Variants in CCDC14 observed in about 807,000 individuals in gnomAD.
The protein encoded by CCDC14 is coiled-coil domain containing 14.
A neutral mutation model predicts 81.4 loss-of-function variants in CCDC14; 71 were observed. The ratio of observed to expected loss-of-function variants is 0.87; its 90% CI spans 0.72 to 1.06. The LOEUF is 1.06. CCDC14 is among the 50% of genes least tolerant of loss of function. CCDC14 has a pLI of 0.00. For synonymous variants in CCDC14, 332 were observed against 364.8 expected (o/e 0.91, Z 1.03); for missense variants, 1,046 against 1,047.3 (o/e 1.00, Z 0.02).
downstream of CCDC14, among the ~76,000 whole-genome samples, chr3:123,892,996 G>A (rs1397739680): frequency 1.3e-5 from 2 of 151,930 alleles, no homozygotes; most frequent in Admixed American, 1.3e-4. Context: ...AGTAGAGATG[G>A]GGTTTCACCA....
At chr3:123,912,459 G>T (rs535216933), downstream of CCDC14, among the ~76,000 whole-genome samples, 149 of 152,260 alleles carry the variant, frequency 9.8e-4, no homozygotes, top group African/African-American at 3.4e-3. Context: ...CGCTCAGTGT[G>T]TCTCAAACTG....
intron 8 of CCDC14, among the ~76,000 whole-genome samples, chr3:123,945,925 T>C (rs1162564947): frequency 6.6e-6 from 1 of 152,054 alleles, no homozygotes; most frequent in Non-Finnish European, 1.5e-5. Flanking sequence ...GCTGGGAGGA[T>C]TAAATGAGAT....
At chr3:123,916,784 T>C (rs1298950550) in intron 12 of CCDC14, among the ~76,000 whole-genome samples, 1 of 152,050 alleles carries the variant, frequency 6.6e-6, no homozygotes, top group Admixed American at 6.5e-5. Context: ...TCAGTCTAAG[T>C]GGGTGTTTGT....
chr3:123,934,808 C>T (rs1265638341), intron 9 of CCDC14, among the ~76,000 whole-genome samples: 4 of 151,908 alleles, frequency 2.6e-5, no homozygotes, highest in Non-Finnish European at 2.9e-5. Flanking sequence ...ATGATAGTAC[C>T]CTACCTCACA....
downstream of CCDC14, chr3:123,897,361 A>G (rs1346451610): frequency 6.4e-6 from 1 of 155,514 alleles, no homozygotes; most frequent in Non-Finnish European, 1.4e-5. Flanking sequence ...AAAATTTAGT[A>G]CAAAATATTA....
downstream of CCDC14, among the ~76,000 whole-genome samples, chr3:123,895,695 A>G (rs1314817302): frequency 2.0e-5 from 3 of 152,224 alleles, no homozygotes; most frequent in East Asian, 5.8e-4. Context: ...TAAAACCTCC[A>G]GCAAACAAAA....
rs552475638 is a variant in CCDC14 at position 123,917,053 on chromosome 3, C to T, written c.1779-1335G>A. Among the ~76,000 whole-genome samples, 126 of 151,802 alleles carry T rather than the reference C, an allele frequency of 8.3e-4. 1 individual carries two copies. The East Asian group carries it at 0.011, about 14-fold the overall frequency. On this transcript the variant is annotated intron_variant, in intron 12 of 12. Transcript: ENST00000409697. ...AGCGACGGGGTTTCACTGTGTTAGC[C>T]GGGATGGTCTCGATCTCCTGACCTC...
chr3:123,950,497 A>G (rs1304293778), intron 5 of CCDC14, among the ~76,000 whole-genome samples: 1 of 152,236 alleles, frequency 6.6e-6, no homozygotes, highest in Non-Finnish European at 1.5e-5. Context: ...TGGATGTTTA[A>G]TACACTTAAG....
Position 123,931,354 on chromosome 3 carries a change from AAG to A in CCDC14, c.1597_1598del (p.Leu533Ter), listed in dbSNP as rs2035696395. The stretch of plus-strand genomic sequence containing the variant: ...CAATATCATATTGCTGTTTATTTTC[AAG>A]TATAGTTTGATCTTTGTCTTTAAAT... ...SIFKDKDQTI[L>X]ENKQQYDIEI... On this transcript the variant is annotated frameshift_variant, in exon 11 of 13. Coordinates refer to ENST00000409697, the MANE Select transcript of CCDC14 (RefSeq NM_001366335.1). LOFTEE classifies it high-confidence loss of function. 1 of 1,522,674 alleles carries A rather than the reference AAG, an allele frequency of 6.6e-7. No individual in the cohort carries two copies. The highest frequency in any genetic ancestry group is 2.4e-5 in the East Asian group (1 of 40,950). The allele number at this position is 1,522,674 out of a possible 1,614,324, so 94.3% of individuals were successfully genotyped here. A position where few individuals can be genotyped will look rare whatever the true frequency, so the allele number is the denominator to read the frequency against.
rs1310894908 is a variant in CCDC14, at chr3:123,915,610, T to G, written c.1887A>C (p.Lys629Asn). The change falls in exon 13 of 13, where the codon AAA (lysine) becomes AAC (asparagine). Residue 629 changes from lysine to asparagine, a missense_variant. By Grantham distance (94) the Lys-to-Asn change is moderately conservative (BLOSUM62 0). Coordinates refer to ENST00000409697, the MANE Select transcript of CCDC14 (RefSeq NM_001366335.1). ...CAGGAGCTGGGTCATGTTGAAGTTG[T>G]TTATCATGAATGTTCAAGAGTGATT... is the stretch of plus-strand genomic sequence containing the variant. The part of the protein sequence containing the change: ...LTKSLLNIHD[K>N]QLQHDPAPAH... 6.2e-7 allele frequency: 1 copy of G among 1,614,042 alleles called. No homozygotes were observed. The highest frequency in any genetic ancestry group is 2.2e-5 in the East Asian group (1 of 44,884).
At position 123,948,741 on chromosome 3, in the gene CCDC14, T is replaced by C; in HGVS notation, c.634A>G (p.Thr212Ala). 6.2e-7 allele frequency: 1 copy of C among 1,601,944 alleles called. No homozygotes were observed. The stretch of plus-strand genomic sequence containing the variant: ...GGCCGCTGAAGTGACCAGACTGGGG[T>C]GGAGGTACATAAGCCATAACTAGAA... Reference protein sequence around the residue: ...PHSSYGLCTSTPVWSLQRPPC... With the variant: ...PHSSYGLCTSAPVWSLQRPPC... Residue 212 changes from threonine to alanine, a missense_variant, in exon 7 of 13, where the codon ACC becomes GCC. Physicochemically the swap from Thr to Ala is moderately conservative, Grantham distance 58. Coordinates refer to ENST00000409697, the MANE Select transcript of CCDC14 (RefSeq NM_001366335.1).
intron 10 of CCDC14, among the ~76,000 whole-genome samples, chr3:123,933,116 AC>A (rs2035839689): frequency 1.6e-5 from 2 of 126,880 alleles, no homozygotes; most frequent in Admixed American, 8.9e-5. Flanking sequence ...AAACAAACAA[AC>A]AAACAAACAA....
rs1321975811 is a variant in CCDC14 at position 123,915,590 on chromosome 3, G to A, written c.1907C>T (p.Ala636Val). ...GCTCATTATGGAAGTGTGAGCAGGA[G>A]CTGGGTCATGTTGAAGTTGTTTATC... ...IHDKQLQHDPAPAHTSIMSYL... is the reference protein window; with the variant it reads ...IHDKQLQHDPVPAHTSIMSYL... The change falls in exon 13 of 13, where the codon GCT (alanine) becomes GTT (valine). Residue 636 changes from alanine to valine, a missense_variant. Ala to Val is a moderately conservative substitution (Grantham distance 64). Transcript: ENST00000409697. The A allele has an allele frequency of 2.0e-5, 33 of 1,613,890 alleles. No individual in the cohort carries two copies. The highest frequency in any genetic ancestry group is 2.8e-5 in the Non-Finnish European group (33 of 1,179,892).
At chr3:123,910,033 TGA>T (rs1577209217), downstream of CCDC14, among the ~76,000 whole-genome samples, 1 of 152,192 alleles carries the variant, frequency 6.6e-6, no homozygotes, top group Non-Finnish European at 1.5e-5. Flanking sequence ...GAACAAGCAC[TGA>T]GAGTTTGTGG....
rs5852375 is a variant in CCDC14, at chr3:123,948,239, C to CT, written c.684+451dup. On this transcript the variant is annotated intron_variant, in intron 7 of 12. Coordinates refer to ENST00000409697, the MANE Select transcript of CCDC14 (RefSeq NM_001366335.1). ...AATAGGTAAAACTTTTCTTTCTTTT[C>CT]TTTTTTTTTTTTTTTGAGATAGAGT... Among the ~76,000 whole-genome samples, 444 of 138,402 alleles carry CT rather than the reference C, an allele frequency of 3.2e-3. 1 individual carries two copies. The highest frequency in any genetic ancestry group is 4.5e-3 in the Non-Finnish European group (284 of 63,458). 90.8% of individuals were successfully genotyped at this position (138,402 alleles called of 152,430 possible).
chr3:123,907,758 T>C (rs2034349769), intron 5 of CCDC14, among the ~76,000 whole-genome samples: 2 of 152,012 alleles, frequency 1.3e-5, no homozygotes, highest in South Asian at 4.2e-4. Context: ...TAAACCATTC[T>C]TCTTCGAGAA....
At chr3:123,955,577 T>C in intron 5 of CCDC14, 1 of 257,358 alleles carries the variant, frequency 3.9e-6, no homozygotes, top group Non-Finnish European at 7.3e-6. Flanking sequence ...GATCACTCTA[T>C]ATACCTCCCA....
intron 1 of CCDC14, among the ~76,000 whole-genome samples, chr3:123,959,165 A>C (rs1327966812): frequency 6.6e-6 from 1 of 152,224 alleles, no homozygotes; most frequent in African/African-American, 2.4e-5. Flanking sequence ...TCCCAGAAGT[A>C]GAATTGCTGG....
In CCDC14 at chr3:123,934,270, C is replaced by CAAAAAAAAAAA. The variant is rs61094944; in HGVS notation, c.1344-526_1344-516dup. Among the ~76,000 whole-genome samples the CAAAAAAAAAAA allele has an allele frequency of 6.9e-4, 36 of 52,288 alleles. 2 individuals carry two copies. Among genetic ancestry groups the CAAAAAAAAAAA allele is most frequent in the African/African-American group, 2.9e-3 (34 of 11,844 alleles). 34.3% of individuals were successfully genotyped at this position (52,288 alleles called of 152,430 possible). A position where few individuals can be genotyped will look rare whatever the true frequency, so the allele number is the denominator to read the frequency against. ...CTGGCGAAAGAGTGAGACTCTGCCT[C>CAAAAAAAAAAA]AAAAAAAAAAAAAAAAAAAAAAAAA... On this transcript the variant is annotated intron_variant, in intron 9 of 12. Coordinates refer to ENST00000409697, the MANE Select transcript of CCDC14 (RefSeq NM_001366335.1).
Sources: gnomAD v4.1 joint callset for allele counts (sites outside exome capture counted in the v4.1 genomes callset) on GRCh38, gnomAD v4.1.1 for gene constraint, MANE v1.5 for transcripts, NCBI Gene and HGNC (gene_info 2026-07-23, HGNC 2026-07-21) for gene names.